SI: variants seen among roughly 807,000 people sequenced by gnomAD.
SI encodes sucrase-isomaltase, also known as sucrase-isomaltase, intestinal.
A neutral mutation model predicts 253.3 loss-of-function variants in SI; 235 were observed. The observed-to-expected ratio is 0.93, with a 90% CI of 0.83 to 1.03. SI has a LOEUF of 1.03. SI is among the 50% of genes least tolerant of loss of function. SI has a pLI of 0.00. For missense variants in SI, 2,442 were observed against 2,211.1 expected (o/e 1.10, Z -2.09); for synonymous variants, 819 against 712.0 (o/e 1.15, Z -2.39).
At chr3:165,029,937 A>G (rs1712146628) in intron 25 of SI, among the ~76,000 whole-genome samples, 1 of 150,406 alleles carries the variant, frequency 6.6e-6, no homozygotes, top group Admixed American at 6.7e-5. Context: ...AGTGATACAG[A>G]TTATGCTGCT....
chr3:165,044,605 G>A (rs1713017418), intron 16 of SI, among the ~76,000 whole-genome samples: 1 of 151,540 alleles, frequency 6.6e-6, no homozygotes, highest in East Asian at 1.9e-4. Context: ...TTTTTCTATT[G>A]TTCTTAATTT....
intron 33 of SI, among the ~76,000 whole-genome samples, chr3:165,014,675 G>A (rs1337131527): frequency 6.6e-6 from 1 of 151,910 alleles, no homozygotes; most frequent in Non-Finnish European, 1.5e-5. Flanking sequence ...TAATATATCA[G>A]GTCTGAATAT....
chr3:165,087,230 G>C, the SI span, among the ~76,000 whole-genome samples: 1 of 152,122 alleles, frequency 6.6e-6, no homozygotes. Flanking sequence ...TTGCCACTGG[G>C]TTGGGACAGA....
intron 33 of SI, among the ~76,000 whole-genome samples, chr3:165,013,846 C>T (rs1438787146): frequency 2.0e-5 from 3 of 152,026 alleles, no homozygotes; most frequent in African/African-American, 4.8e-5. Flanking sequence ...GATTAATATG[C>T]CTCTCAAGTA....
chr3:164,999,246 T>C (rs1271519358), intron 37 of SI, among the ~76,000 whole-genome samples: 1 of 151,798 alleles, frequency 6.6e-6, no homozygotes, highest in Non-Finnish European at 1.5e-5. Context: ...GTTGTGTAAA[T>C]GAAATCATAT....
At chr3:165,031,676 T>A (rs892483336) in intron 24 of SI, among the ~76,000 whole-genome samples, 16 of 150,590 alleles carry the variant, frequency 1.1e-4, no homozygotes, top group Non-Finnish European at 2.1e-4. Context: ...CAATGTTCTA[T>A]ATCTTAAATA....
At chr3:164,992,066 C>A in intron 43 of SI, 111 bp downstream of exon 43, 1 of 899,894 alleles carries the variant, frequency 1.1e-6, no homozygotes, top group South Asian at 1.3e-5. Flanking sequence ...ATGTTACTTT[C>A]CACTCTTTTT....
At chr3:165,074,391 A>G in intron 3 of SI, 140 bp downstream of exon 3, 2 of 463,548 alleles carry the variant, frequency 4.3e-6, no homozygotes, top group East Asian at 3.7e-5. Flanking sequence ...CATTTTTAAT[A>G]GGAAGCTATA....
rs1299200533 is a variant in SI at position 165,049,208 on chromosome 3, C to A, written c.1634G>T (p.Cys545Phe). The stretch of plus-strand genomic sequence containing the variant: ...ACCCCAGTTCTGCACAGCATCCATG[C>A]AAATTGTTTTGGAATACATGAGTTT... ...LDKLMYSKTICMDAVQNWGKQ... is the reference protein window; with the variant it reads ...LDKLMYSKTIFMDAVQNWGKQ... Residue 545 changes from cysteine (C) to phenylalanine (F), a missense_variant, in exon 15 of 48, where the codon TGC becomes TTC. By Grantham distance (205) the Cys-to-Phe change is radical (BLOSUM62 -2). Transcript: ENST00000264382. 2 of 1,610,882 alleles carry A rather than the reference C, an allele frequency of 1.2e-6. No homozygotes were observed. The highest frequency in any genetic ancestry group is 1.7e-6 in the Non-Finnish European group (2 of 1,177,698).
rs983283300 is a variant in SI, at chr3:164,982,429, G to A, written c.5248-19C>T. ...AGGTGGTCTATAAATAAAGAAAAAG[G>A]AATAACATAAACACTTTATTTGCAA... On this transcript the variant is annotated intron_variant, in intron 46 of 47. Coordinates refer to ENST00000264382, the MANE Select transcript of SI (RefSeq NM_001041.4). The A allele has an allele frequency of 1.3e-5, 21 of 1,571,672 alleles. No individual in the cohort carries two copies. In the African/African-American group the frequency reaches 1.8e-4, roughly 13 times the overall value.
chr3:165,055,195 A>G lies in SI; in HGVS notation c.1511T>C (p.Ile504Thr). 6.3e-7 allele frequency: 1 copy of G among 1,580,420 alleles called. No individual in the cohort carries two copies. Among genetic ancestry groups the G allele is most frequent in the South Asian group, 1.1e-5 (1 of 90,390 alleles). ...CATTGGTTTAAAATAGCTACTTACA[A>G]TCCAAAGTCCATCATATTGCACTTC... ...HQEVQYDGLW[I>T]DMNEVSSFIQ... Residue 504 changes from isoleucine (I) to threonine (T), a missense_variant and splice_region_variant, in exon 13 of 48, where the codon ATT becomes ACT. By Grantham distance (89) the Ile-to-Thr change is moderately conservative (BLOSUM62 -1). Coordinates refer to ENST00000264382, the MANE Select transcript of SI (RefSeq NM_001041.4).
chr3:165,070,757 T>G (rs1714521303), intron 3 of SI, among the ~76,000 whole-genome samples: 1 of 151,998 alleles, frequency 6.6e-6, no homozygotes, highest in Non-Finnish European at 1.5e-5. Context: ...TTCCTGAAAA[T>G]ATGCCATATT....
intron 16 of SI, 138 bp from the exon 17 acceptor site, chr3:165,043,313 A>T: frequency 1.6e-6 from 1 of 615,710 alleles, no homozygotes; most frequent in East Asian, 2.8e-5. Flanking sequence ...TCCTTAAACC[A>T]ATTTATTTTC....
At chr3:165,076,136 C>T (rs1303121179) in intron 1 of SI, 124 bp from the exon 2 acceptor site, 3 of 631,992 alleles carry the variant, frequency 4.7e-6, no homozygotes, top group Non-Finnish European at 7.3e-6. Context: ...GAAGACAGCA[C>T]TTACATAATA....
Position 165,032,639 on chromosome 3 carries a change from T to C in SI, c.2619A>G (p.Leu873=), listed in dbSNP as rs773656683. 1.2e-6 allele frequency: 2 copies of C among 1,608,476 alleles called. No individual in the cohort carries two copies. The highest frequency in any genetic ancestry group is 1.7e-6 in the Non-Finnish European group (2 of 1,176,092). Residue 873 remains leucine, a synonymous_variant, in exon 24 of 48, where the codon TTA becomes TTG. Transcript: ENST00000264382. ...CAAGGATTTTTACAGTCTGAAATGC[T>C]AAGGTAGTTCCTTCCTGATATGATG... ...THSSYQEGTT[L]AFQTVKILGL...
At chr3:165,030,662 A>G in intron 25 of SI, 50 bp downstream of exon 25, 1 of 1,566,772 alleles carries the variant, frequency 6.4e-7, no homozygotes, top group Non-Finnish European at 8.7e-7. Context: ...TTTGCACCAA[A>G]ATGCTTATGT....
chr3:165,036,271 C>A (rs1243104292), intron 22 of SI, 118 bp downstream of exon 22: 1 of 711,256 alleles, frequency 1.4e-6, no homozygotes, highest in African/African-American at 1.8e-5. Context: ...AGATAAAAAA[C>A]ATTAGGAATT....
At chr3:165,081,522 C>T (rs1300668294), upstream of SI, among the ~76,000 whole-genome samples, 1 of 151,838 alleles carries the variant, frequency 6.6e-6, no homozygotes, top group African/African-American at 2.4e-5. Context: ...AAATATGCAC[C>T]TTAGGTTAAA....
rs184816307 is a variant in SI at position 164,992,162 on chromosome 3, T to C, written c.4983+15A>G. ...TTCTGTTTAGTTAATTCCCCAGAATTCCTTAAATACTTACTGTATGGTAGT... is the reference window on the plus strand; with the variant it reads ...TTCTGTTTAGTTAATTCCCCAGAATCCCTTAAATACTTACTGTATGGTAGT... On this transcript the variant is annotated intron_variant, in intron 43 of 47. Coordinates refer to ENST00000264382, the MANE Select transcript of SI (RefSeq NM_001041.4). 1.4e-5 allele frequency: 22 copies of C among 1,603,078 alleles called. No homozygotes were observed. In the Admixed American group the frequency reaches 1.8e-4, roughly 13 times the overall value.
Sources: gnomAD v4.1 joint callset for allele counts (sites outside exome capture counted in the v4.1 genomes callset) on GRCh38, gnomAD v4.1.1 for gene constraint, MANE v1.5 for transcripts, NCBI Gene and HGNC (gene_info 2026-07-23, HGNC 2026-07-21) for gene names.